FANCD2OS: variants seen among roughly 807,000 people sequenced by gnomAD.
The protein encoded by FANCD2OS is FANCD2 opposite strand.
FANCD2OS carries 11 observed loss-of-function variants against 13.2 expected under a neutral mutation model. That is an observed-to-expected ratio of 0.83 (90% confidence interval 0.52 to 1.38). The LOEUF (loss-of-function observed/expected upper bound fraction) is 1.38. Ranked by LOEUF, FANCD2OS falls within the 40% of genes most tolerant of loss-of-function variation. FANCD2OS has a pLI of 0.00. For synonymous variants in FANCD2OS, 69 were observed against 84.5 expected, an observed-to-expected ratio of 0.82 and a Z score of 1.01; for missense variants, 217 against 213.9, an observed-to-expected ratio of 1.01 and a Z score of -0.09.
chr3:10,088,060 A>G (rs1408280386), intron 2 of FANCD2OS, among the ~76,000 whole-genome samples: 4 of 152,180 alleles, frequency 2.6e-5, no homozygotes, highest in African/African-American at 4.8e-5. Context: ...ATTTATCCCT[A>G]TTGATTAAAA....
At chr3:10,101,329 G>T, downstream of FANCD2OS, 1 of 1,063,264 alleles carries the variant, frequency 9.4e-7, no homozygotes, top group East Asian at 2.6e-5. Context: ...GTTAGAGTTT[G>T]AAATCCGCTG....
intron 2 of FANCD2OS, among the ~76,000 whole-genome samples, chr3:10,087,792 G>C (rs1468258950): frequency 6.6e-6 from 1 of 151,984 alleles, no homozygotes; most frequent in Admixed American, 6.6e-5. Context: ...GGGATTACAG[G>C]TGCGCACCAC....
chr3:10,097,341 T>C (rs1003324221), intron 2 of FANCD2OS, among the ~76,000 whole-genome samples: 1 of 152,180 alleles, frequency 6.6e-6, no homozygotes, highest in Non-Finnish European at 1.5e-5. Flanking sequence ...GGGAGCGCTA[T>C]AGGAGACTGG....
chr3:10,088,523 C>G, intron 2 of FANCD2OS: 1 of 1,605,768 alleles, frequency 6.2e-7, no homozygotes, highest in South Asian at 1.1e-5. Context: ...CTCTAATGAC[C>G]AGCTCCATGC....
chr3:10,082,701 T>G (rs1249666857), intron 2 of FANCD2OS, among the ~76,000 whole-genome samples: 1 of 152,190 alleles, frequency 6.6e-6, no homozygotes, highest in Non-Finnish European at 1.5e-5. Context: ...AGATCTGAAC[T>G]TAAGCATCCA....
At chr3:10,094,326 G>A (rs778292547) in intron 2 of FANCD2OS, 2 of 1,614,098 alleles carry the variant, frequency 1.2e-6, no homozygotes, top group Admixed American at 1.7e-5. Context: ...CTGAAGCAAT[G>A]TATGCCGCTC....
intron 1 of FANCD2OS, among the ~76,000 whole-genome samples, chr3:10,105,762 AAAAAAAAAATTAT>A (rs1695456776): frequency 1.9e-4 from 14 of 75,044 alleles, no homozygotes; most frequent in African/African-American, 1.5e-3. Flanking sequence ...AAAAAAAAAA[AAAAAAAAAATTAT>A]ATATATATAT....
At chr3:10,083,906 AAG>A (rs1235290374) in intron 2 of FANCD2OS, among the ~76,000 whole-genome samples, 2 of 150,974 alleles carry the variant, frequency 1.3e-5, no homozygotes, top group Non-Finnish European at 1.5e-5. Context: ...AAAAAAAAAA[AAG>A]GTATGTCCAC....
At chr3:10,100,124 G>A (rs983789953), downstream of FANCD2OS, among the ~76,000 whole-genome samples, 1 of 152,278 alleles carries the variant, frequency 6.6e-6, no homozygotes, top group African/African-American at 2.4e-5. Flanking sequence ...GGAGGTGGAG[G>A]CTGCAGTGAG....
intron 2 of FANCD2OS, chr3:10,096,478 C>T: frequency 6.2e-7 from 1 of 1,613,514 alleles, no homozygotes; most frequent in South Asian, 1.1e-5. Context: ...TGCAGGTAAG[C>T]CTTGGATCCT....
At chr3:10,093,116 G>A (rs1239580866) in intron 2 of FANCD2OS, among the ~76,000 whole-genome samples, 1 of 152,196 alleles carries the variant, frequency 6.6e-6, no homozygotes, top group Non-Finnish European at 1.5e-5. Flanking sequence ...TTGAACTTCA[G>A]TTGTGATAAT....
At chr3:10,084,802 C>T (rs889215920) in intron 2 of FANCD2OS, among the ~76,000 whole-genome samples, 1 of 152,096 alleles carries the variant, frequency 6.6e-6, no homozygotes, top group Non-Finnish European at 1.5e-5. Context: ...AAAGGTCAGG[C>T]AGAATAATTT....
intron 2 of FANCD2OS, chr3:10,088,707 TTC>T (rs1694391194): frequency 8.4e-7 from 1 of 1,184,514 alleles, no homozygotes; most frequent in African/African-American, 1.5e-5. Flanking sequence ...GATCCTCTGG[TTC>T]TGTTTTATAC....
At chr3:10,091,001 G>C (rs1160663450) in intron 2 of FANCD2OS, among the ~76,000 whole-genome samples, 1 of 151,982 alleles carries the variant, frequency 6.6e-6, no homozygotes, top group Non-Finnish European at 1.5e-5. Context: ...TTGGCAGCCT[G>C]CTAACCAGAA....
At chr3:10,099,232 G>C, downstream of FANCD2OS, 1 of 1,335,902 alleles carries the variant, frequency 7.5e-7, no homozygotes, top group Non-Finnish European at 9.6e-7. Flanking sequence ...AAAGCACAGA[G>C]TCAGAAGCTG....
At chr3:10,100,359 G>T (rs1344236386), downstream of FANCD2OS, among the ~76,000 whole-genome samples, 1 of 152,148 alleles carries the variant, frequency 6.6e-6, no homozygotes, top group Admixed American at 6.5e-5. Context: ...CTGGATTCCT[G>T]TTGAGATACA....
downstream of FANCD2OS, among the ~76,000 whole-genome samples, chr3:10,102,735 C>T (rs1410951081): frequency 3.6e-4 from 53 of 148,938 alleles, no homozygotes; most frequent in Middle Eastern, 0.014. Flanking sequence ...CCCAGCTACT[C>T]GGGAGGCTGA....
chr3:10,093,287 A>G (rs769200458), intron 2 of FANCD2OS: 2 of 1,613,252 alleles, frequency 1.2e-6, no homozygotes, highest in South Asian at 2.2e-5. Context: ...CTCTCCAGGT[A>G]TTTGATAGTC....
downstream of FANCD2OS, among the ~76,000 whole-genome samples, chr3:10,102,324 T>C (rs1411874643): frequency 1.3e-5 from 2 of 151,868 alleles, no homozygotes; most frequent in Non-Finnish European, 2.9e-5. Context: ...TTGTATTTTT[T>C]AGTAGAGACA....
Sources: gnomAD v4.1 joint callset for allele counts (sites outside exome capture counted in the v4.1 genomes callset) on GRCh38, gnomAD v4.1.1 for gene constraint, MANE v1.5 for transcripts, NCBI Gene and HGNC (gene_info 2026-07-23, HGNC 2026-07-21) for gene names.